ANO10: variants seen among roughly 807,000 people sequenced by gnomAD.
The protein encoded by ANO10 is anoctamin 10.
A neutral mutation model predicts 74.7 loss-of-function variants in ANO10; 77 were observed. That is an observed-to-expected ratio of 1.03 (90% CI 0.86 to 1.25). ANO10 has a LOEUF of 1.25. Ranked by LOEUF, ANO10 falls within the 50% of genes most tolerant of loss-of-function variation. ANO10 has a pLI of 0.00. For synonymous variants in ANO10, 279 were observed against 284.9 expected, an observed-to-expected ratio of 0.98 and a Z score of 0.21; for missense variants, 721 against 778.1, an observed-to-expected ratio of 0.93 and a Z score of 0.87.
At chr3:43,551,781 A>G (rs1270767184) in intron 10 of ANO10, among the ~76,000 whole-genome samples, 6 of 152,164 alleles carry the variant, frequency 3.9e-5, no homozygotes, top group Non-Finnish European at 7.3e-5. Context: ...ATTTCCATAT[A>G]TATCTTTTTC....
At chr3:43,407,636 C>T (rs2092599914) in intron 12 of ANO10, among the ~76,000 whole-genome samples, 1 of 152,192 alleles carries the variant, frequency 6.6e-6, no homozygotes, top group African/African-American at 2.4e-5. Context: ...ACTAAGAGAA[C>T]ACAGAGAAGA....
At chr3:43,409,590 T>C (rs2092632223) in intron 12 of ANO10, among the ~76,000 whole-genome samples, 1 of 152,142 alleles carries the variant, frequency 6.6e-6, no homozygotes, top group South Asian at 2.1e-4. Flanking sequence ...GGAAGCACTA[T>C]TCTTACTCCT....
intron 12 of ANO10, among the ~76,000 whole-genome samples, chr3:43,424,139 G>C (rs866364816): frequency 6.6e-6 from 1 of 152,230 alleles, no homozygotes; most frequent in African/African-American, 2.4e-5. Context: ...GAGTGTTGGG[G>C]GGACTCTAAT....
At chr3:43,481,396 T>C (rs1019654921) in intron 11 of ANO10, among the ~76,000 whole-genome samples, 4 of 152,206 alleles carry the variant, frequency 2.6e-5, no homozygotes, top group Non-Finnish European at 5.9e-5. Context: ...ACTCAATTTG[T>C]GCCTATAAAC....
At chr3:43,501,511 G>T (rs191127664) in intron 11 of ANO10, among the ~76,000 whole-genome samples, 2 of 152,088 alleles carry the variant, frequency 1.3e-5, no homozygotes, top group Non-Finnish European at 2.9e-5. Flanking sequence ...AAAATCTAGA[G>T]AATCTGAAGC....
chr3:43,546,731 C>A (rs968177789), intron 11 of ANO10, among the ~76,000 whole-genome samples: 1 of 151,230 alleles, frequency 6.6e-6, no homozygotes, highest in African/African-American at 2.4e-5. Flanking sequence ...GAAAATACAT[C>A]AACAGAATTC....
rs61427290 is a variant in ANO10 at position 43,470,596 on chromosome 3, T to TTTTATTTATTTATTTA, written c.1798-37885_1798-37870dup. On this transcript the variant is annotated intron_variant, in intron 11 of 12. Coordinates refer to ENST00000292246, the MANE Select transcript of ANO10 (RefSeq NM_018075.5). Reference sequence around the variant, plus strand: ...TCTGCCTGCCTCGGCCTGGTAATTATTTTATTTATTTATTTATTTATTTAT... The same window carrying TTTTATTTATTTATTTA: ...TCTGCCTGCCTCGGCCTGGTAATTATTTTATTTATTTATTTATTTATTTATTTATTTATTTATTTAT... Among the ~76,000 whole-genome samples the TTTTATTTATTTATTTA allele has an allele frequency of 5.0e-4, 72 of 143,962 alleles. 1 individual carries two copies. The highest frequency in any genetic ancestry group is 1.6e-3 in the South Asian group (7 of 4,474). 94.4% of individuals were successfully genotyped at this position (143,962 alleles called of 152,430 possible). A position where few individuals can be genotyped will look rare whatever the true frequency, so the allele number is the denominator to read the frequency against.
At chr3:43,576,022 GAATA>G (rs1206417133) in intron 6 of ANO10, among the ~76,000 whole-genome samples, 1 of 152,174 alleles carries the variant, frequency 6.6e-6, no homozygotes, top group Non-Finnish European at 1.5e-5. Context: ...TGGTTTGAAT[GAATA>G]AATAAAGAGT....
intron 1 of ANO10, among the ~76,000 whole-genome samples, chr3:43,616,391 T>A (rs1325653041): frequency 6.6e-6 from 1 of 152,138 alleles, no homozygotes; most frequent in Non-Finnish European, 1.5e-5. Context: ...TACCAGCCAA[T>A]AAAGTCAAAG....
intron 12 of ANO10, among the ~76,000 whole-genome samples, chr3:43,385,758 TG>T (rs1409574540): frequency 4.5e-5 from 3 of 67,166 alleles, no homozygotes; most frequent in African/African-American, 5.2e-5. Context: ...GGGGAAAGGA[TG>T]GGGGGGAAGG....
intron 9 of ANO10, among the ~76,000 whole-genome samples, chr3:43,559,502 A>G (rs917454902): frequency 6.6e-5 from 10 of 152,224 alleles, no homozygotes; most frequent in African/African-American, 2.4e-4. Flanking sequence ...AAGACAGGAT[A>G]AAAACAGCAG....
At chr3:43,412,052 TTATATATATGTA>T (rs1295585199) in intron 12 of ANO10, among the ~76,000 whole-genome samples, 5 of 148,010 alleles carry the variant, frequency 3.4e-5, no homozygotes, top group Non-Finnish European at 1.5e-5. Flanking sequence ...TGTAAATATA[TTATATATATGTA>T]TATATATATT....
intron 11 of ANO10, among the ~76,000 whole-genome samples, chr3:43,503,344 T>G (rs4586783): frequency 0.92 from 140,234 of 152,172 alleles, 64,901 homozygotes; most frequent in Non-Finnish European, 0.97. Flanking sequence ...TTCTTGGTGA[T>G]GGGTGGGGAG....
intron 1 of ANO10, among the ~76,000 whole-genome samples, chr3:43,665,250 C>T (rs1037805893): frequency 1.3e-5 from 2 of 152,158 alleles, no homozygotes; most frequent in South Asian, 4.1e-4. Flanking sequence ...TGGAAACCAT[C>T]ATTCTCAGCA....
Position 43,432,699 on chromosome 3 carries a change from A to T in ANO10, c.1826T>A (p.Leu609His). ...TGGCTTATCAGGTATGGCAAATGCA[A>T]GTATAAACTTTAAAGCCAGGAGTGC... ...EHALLALKFI[L>H]AFAIPDKPRH... The change falls in exon 12 of 13, where the codon CTT becomes CAT. Residue 609 changes from leucine (L) to histidine (H), a missense_variant. Coordinates refer to ENST00000292246, the MANE Select transcript of ANO10 (RefSeq NM_018075.5). The T allele has an allele frequency of 6.2e-7, 1 of 1,613,842 alleles. No homozygotes were observed. The highest frequency in any genetic ancestry group is 8.5e-7 in the Non-Finnish European group (1 of 1,179,854).
chr3:43,426,152 T>C (rs1179002438), intron 12 of ANO10, among the ~76,000 whole-genome samples: 1 of 151,984 alleles, frequency 6.6e-6, no homozygotes, highest in African/African-American at 2.4e-5. Context: ...ATACCTCACA[T>C]GTATTTATTT....
chr3:43,509,366 A>T (rs1261464270), intron 11 of ANO10, among the ~76,000 whole-genome samples: 1 of 152,222 alleles, frequency 6.6e-6, no homozygotes, highest in African/African-American at 2.4e-5. Flanking sequence ...TTAAATTTAA[A>T]AAAAAAGAAA....
intron 9 of ANO10, among the ~76,000 whole-genome samples, chr3:43,559,655 G>A (rs1008720885): frequency 6.6e-6 from 1 of 151,968 alleles, no homozygotes; most frequent in African/African-American, 2.4e-5. Context: ...TGGAATGAGA[G>A]TACAGGGGAT....
chr3:43,684,344 T>G (rs1182696752), intron 1 of ANO10, among the ~76,000 whole-genome samples: 1 of 152,352 alleles, frequency 6.6e-6, no homozygotes, highest in Admixed American at 6.5e-5. Flanking sequence ...TCATCATCAC[T>G]GGTTATCAGA....
Sources: allele counts gnomAD v4.1 joint callset (sites outside exome capture counted in the v4.1 genomes callset), GRCh38; gene constraint gnomAD v4.1.1; transcripts MANE v1.5; gene names NCBI Gene and HGNC (gene_info 2026-07-23, HGNC 2026-07-21).